ZNF362: variants seen among roughly 807,000 people sequenced by gnomAD.
ZNF362 encodes zinc finger protein 362.
In ZNF362, 11 loss-of-function variants were observed where a neutral mutation model predicts 42.9. The observed-to-expected ratio is 0.26, with a 90% CI of 0.16 to 0.42. The LOEUF is 0.42. ZNF362 is among the 20% of genes least tolerant of loss of function. The pLI is 1.00. For synonymous variants in ZNF362, 255 were observed against 257.3 expected (o/e 0.99, Z 0.09); for missense variants, 362 against 576.2 (o/e 0.63, Z 3.81).
chr1:33,202,008 A>G, the ZNF362 span, among the ~76,000 whole-genome samples: 58 of 152,326 alleles, frequency 3.8e-4, no homozygotes, highest in Admixed American at 1.4e-3. Flanking sequence ...AAGAAGTTGG[A>G]TAACTTAGAT....
chr1:33,136,300 T>TTTTC, the ZNF362 span, among the ~76,000 whole-genome samples: 2 of 141,422 alleles, frequency 1.4e-5, no homozygotes, highest in Admixed American at 6.9e-5. Flanking sequence ...CTTTCTTTCT[T>TTTTC]TTTCTTTCTT....
At chr1:33,236,231 C>T in the ZNF362 span, among the ~76,000 whole-genome samples, 4 of 151,934 alleles carry the variant, frequency 2.6e-5, no homozygotes, top group African/African-American at 9.7e-5. Flanking sequence ...CCAGCACACA[C>T]ATAAATCGAA....
intron 1 of ZNF362, among the ~76,000 whole-genome samples, chr1:33,260,856 C>G (rs1283411256): frequency 1.3e-5 from 2 of 152,164 alleles, no homozygotes; most frequent in African/African-American, 4.8e-5. Context: ...ATCCCAGTCT[C>G]TTCCAGTCTC....
rs557458722 is a variant in ZNF362 at position 33,275,424 on chromosome 1, A to G, written c.39-676A>G. ...CTTCAGCCCCCTCCATAACCACAGC[A>G]TTCTCATCCACGTCGTTGTAGGTCA... On this transcript the variant is annotated intron_variant, in intron 2 of 8. Coordinates refer to ENST00000539719, the MANE Select transcript of ZNF362 (RefSeq NM_152493.3). 2.2e-5 allele frequency: 22 copies of G among 979,952 alleles called. No homozygotes were observed. The East Asian group carries it at 2.2e-3, about 96-fold the overall frequency. The allele number at this position is 979,952 out of a possible 1,614,324, so 60.7% of individuals were successfully genotyped here. A position where few individuals can be genotyped will look rare whatever the true frequency, so the allele number is the denominator to read the frequency against.
chr1:33,191,342 C>T, the ZNF362 span, among the ~76,000 whole-genome samples: 1 of 152,140 alleles, frequency 6.6e-6, no homozygotes, highest in South Asian at 2.1e-4. Flanking sequence ...CAGGAGACTT[C>T]GTCCTTATCA....
the ZNF362 span, among the ~76,000 whole-genome samples, chr1:33,186,506 C>T: frequency 1.3e-5 from 2 of 151,188 alleles, no homozygotes; most frequent in South Asian, 4.2e-4. Flanking sequence ...AGCAGAAACA[C>T]ACATAAAACA....
chr1:33,287,871 A>G (rs1217706407), intron 6 of ZNF362, among the ~76,000 whole-genome samples: 3 of 152,226 alleles, frequency 2.0e-5, no homozygotes, highest in Non-Finnish European at 4.4e-5. Flanking sequence ...AATGAATTTG[A>G]AAAATGCCAC....
At chr1:33,215,060 A>G in the ZNF362 span, among the ~76,000 whole-genome samples, 5 of 152,242 alleles carry the variant, frequency 3.3e-5, no homozygotes, top group Non-Finnish European at 7.3e-5. Context: ...TTATTGCAGC[A>G]CTGTGCACAA....
chr1:33,281,538 T>C lies in ZNF362; in HGVS notation c.684-49T>C. On this transcript the variant is annotated intron_variant, in intron 5 of 8. Coordinates refer to ENST00000539719, the MANE Select transcript of ZNF362 (RefSeq NM_152493.3). The surrounding 1 kb of genome is among the most constrained non-coding windows in gnomAD (Gnocchi z 4.8). ...CTGATGTAGAAGGCCTCCCCTGAGA[T>C]GGACAGTCTGGGGGATCTTCCCACG... The C allele has an allele frequency of 6.3e-7, 1 of 1,589,782 alleles. No homozygotes were observed. The highest frequency in any genetic ancestry group is 1.1e-5 in the South Asian group (1 of 90,280).
the ZNF362 span, chr1:33,195,978 G>A: frequency 2.6e-5 from 4 of 152,000 alleles, no homozygotes; most frequent in African/African-American, 7.2e-5. Flanking sequence ...ACATGTACAC[G>A]TTGTACAGCT....
chr1:33,279,816 C>G (rs970263936), intron 4 of ZNF362, among the ~76,000 whole-genome samples: 1 of 152,182 alleles, frequency 6.6e-6, no homozygotes, highest in African/African-American at 2.4e-5. Context: ...GAATCCTTCC[C>G]TAATGTTGCA....
chr1:33,232,316 G>A, the ZNF362 span, among the ~76,000 whole-genome samples: 2 of 151,720 alleles, frequency 1.3e-5, no homozygotes, highest in African/African-American at 2.4e-5. Context: ...CCAGGCTGGA[G>A]TGCAGTGGTG....
chr1:33,297,508 T>C (rs1383917691), intron 8 of ZNF362, among the ~76,000 whole-genome samples: 1 of 86,762 alleles, frequency 1.2e-5, no homozygotes, highest in Non-Finnish European at 2.3e-5. Flanking sequence ...ATTTACATGA[T>C]TCCTCTTTTT....
the ZNF362 span, among the ~76,000 whole-genome samples, chr1:33,209,907 T>G: frequency 6.6e-6 from 1 of 152,166 alleles, no homozygotes; most frequent in Non-Finnish European, 1.5e-5. Flanking sequence ...TTTGAAGGGT[T>G]TGTTTTGTCT....
At chr1:33,218,247 C>T in the ZNF362 span, among the ~76,000 whole-genome samples, 4 of 152,114 alleles carry the variant, frequency 2.6e-5, no homozygotes, top group African/African-American at 9.7e-5. Context: ...TCAAGATCAG[C>T]CTGGGCAACA....
At chr1:33,154,746 C>T in the ZNF362 span, among the ~76,000 whole-genome samples, 9 of 149,730 alleles carry the variant, frequency 6.0e-5, no homozygotes, top group Admixed American at 4.0e-4. Context: ...TGCAGTGAGC[C>T]GAGATCACGC....
chr1:33,190,538 T>A, the ZNF362 span, among the ~76,000 whole-genome samples: 1 of 152,204 alleles, frequency 6.6e-6, no homozygotes, highest in East Asian at 1.9e-4. Context: ...CCAGTGAAGG[T>A]GTACTGGAAA....
intron 1 of ZNF362, among the ~76,000 whole-genome samples, chr1:33,259,503 A>G (rs1396074580): frequency 6.6e-6 from 1 of 152,216 alleles, no homozygotes; most frequent in Non-Finnish European, 1.5e-5. Context: ...ATGAGGAGCC[A>G]TTCATTCCTT....
At chr1:33,256,278 C>T (rs1645789193), upstream of ZNF362, among the ~76,000 whole-genome samples, 1 of 144,080 alleles carries the variant, frequency 6.9e-6, no homozygotes, top group South Asian at 2.1e-4. Flanking sequence ...GGCCCCCTCC[C>T]CTCTCGCGCA....
Sources: gnomAD v4.1 joint callset for allele counts (sites outside exome capture counted in the v4.1 genomes callset) on GRCh38, gnomAD v4.1.1 for gene constraint, Gnocchi (gnomAD v3.1) non-coding constraint, MANE v1.5 for transcripts, NCBI Gene and HGNC (gene_info 2026-07-23, HGNC 2026-07-21) for gene names.